The following PAPPA variants were observed in gnomAD, a reference collection of about 807,000 sequenced individuals.
PAPPA encodes pappalysin 1.
In PAPPA, 60 loss-of-function variants were observed where a neutral mutation model predicts 164.0. The observed-to-expected ratio is 0.37, with a 90% CI of 0.30 to 0.45. The LOEUF (loss-of-function observed/expected upper bound fraction) is 0.45, where lower values mean the gene tolerates loss of function less well. Among genes scored for constraint, PAPPA ranks in the 20% least tolerant of loss-of-function variants. The pLI, the probability that PAPPA is intolerant of heterozygous loss-of-function variation, is 1.00. For missense variants in PAPPA, 1,782 were observed against 2,087.3 expected (o/e 0.85, Z 2.85); for synonymous variants, 875 against 814.1 (o/e 1.07, Z -1.27).
chr9:116,214,169 A>G (rs1395588669), intron 4 of PAPPA, among the ~76,000 whole-genome samples: 1 of 152,194 alleles, frequency 6.6e-6, no homozygotes, highest in East Asian at 1.9e-4. Context: ...GAACGATTGA[A>G]ATACAACTAG....
chr9:116,395,111 T>G (rs2118735858), intron 21 of PAPPA, among the ~76,000 whole-genome samples: 1 of 151,904 alleles, frequency 6.6e-6, no homozygotes, highest in South Asian at 2.1e-4. Flanking sequence ...CCTCAGGAGG[T>G]CTACACTTTT....
chr9:116,199,751 A>C (rs1162058566), intron 2 of PAPPA, among the ~76,000 whole-genome samples: 2 of 152,126 alleles, frequency 1.3e-5, no homozygotes, highest in Non-Finnish European at 1.5e-5. Context: ...TATTTGGCTC[A>C]TGGTTCTACA....
rs1845137865 is a variant in PAPPA, at chr9:116,271,537, G to A, written c.2953+121G>A. 1 of 726,932 alleles carries A rather than the reference G, an allele frequency of 1.4e-6. No homozygotes were observed. 45.0% of individuals were successfully genotyped at this position (726,932 alleles called of 1,614,324 possible). On this transcript the variant is annotated intron_variant, in intron 9 of 21. Coordinates refer to ENST00000328252, the MANE Select transcript of PAPPA (RefSeq NM_002581.5). The surrounding 1 kb of genome is among the most constrained non-coding windows in gnomAD (Gnocchi z 4.2). ...TGATTCACTCCTTTGTATTACACCT[G>A]TTTATTGAGTGCCTCCTACATGCCA...
chr9:116,293,951 AAAAT>A (rs551814257), intron 9 of PAPPA, among the ~76,000 whole-genome samples: 3 of 152,138 alleles, frequency 2.0e-5, no homozygotes, highest in African/African-American at 4.8e-5. Flanking sequence ...ACTCTGTCTC[AAAAT>A]AAATAAATAA....
intron 2 of PAPPA, among the ~76,000 whole-genome samples, chr9:116,189,078 T>TGACA (rs1184810704): frequency 1.3e-5 from 2 of 152,160 alleles, no homozygotes; most frequent in Admixed American, 1.3e-4. Context: ...TTGAGAGAGG[T>TGACA]GACATTTGAG....
chr9:116,160,643 T>G (rs745670242), intron 1 of PAPPA, among the ~76,000 whole-genome samples: 6 of 152,214 alleles, frequency 3.9e-5, no homozygotes, highest in Admixed American at 6.5e-5. Context: ...CTTATCTACC[T>G]GTGGCTGAGG....
At chr9:116,358,257 C>G (rs1181252510) in intron 17 of PAPPA, among the ~76,000 whole-genome samples, 1 of 152,188 alleles carries the variant, frequency 6.6e-6, no homozygotes, top group Non-Finnish European at 1.5e-5. Context: ...AGTTCTTAAA[C>G]TACGTCACTT....
At chr9:116,333,905 T>A (rs1457492128) in intron 12 of PAPPA, among the ~76,000 whole-genome samples, 2 of 152,078 alleles carry the variant, frequency 1.3e-5, no homozygotes, top group Non-Finnish European at 2.9e-5. Context: ...CATCCCAGCA[T>A]TCTCCGAGGC....
At chr9:116,257,424 G>A (rs1342439251) in intron 7 of PAPPA, among the ~76,000 whole-genome samples, 1 of 151,972 alleles carries the variant, frequency 6.6e-6, no homozygotes, top group Non-Finnish European at 1.5e-5. Context: ...CAAAAGGCTG[G>A]GCACGGTGGC....
chr9:116,285,171 C>CTTTTTTTTTTTTTTTTTTTTT, intron 9 of PAPPA, among the ~76,000 whole-genome samples: 15 of 89,494 alleles, frequency 1.7e-4, no homozygotes, highest in East Asian at 3.5e-4. Flanking sequence ...TTCTTTCTTT[C>CTTTTTTTTTTTTTTTTTTTTT]TTTTTTTTTT....
chr9:116,380,302 A>C (rs1490638376), intron 20 of PAPPA, among the ~76,000 whole-genome samples: 1 of 152,102 alleles, frequency 6.6e-6, no homozygotes, highest in Non-Finnish European at 1.5e-5. Context: ...GAATGGATGG[A>C]TGGATGGATG....
At chr9:116,236,534 C>T (rs1844670042) in intron 7 of PAPPA, among the ~76,000 whole-genome samples, 1 of 149,274 alleles carries the variant, frequency 6.7e-6, no homozygotes, top group Admixed American at 6.8e-5. Context: ...TGCAGTGAAC[C>T]GAGATCATGC....
At chr9:116,158,346 A>G (rs1396051580) in intron 1 of PAPPA, among the ~76,000 whole-genome samples, 1 of 152,236 alleles carries the variant, frequency 6.6e-6, no homozygotes, top group East Asian at 1.9e-4. Context: ...TCCATATATT[A>G]ACAAGGCTTT....
At chr9:116,352,204 G>T (rs1038845956) in intron 15 of PAPPA, among the ~76,000 whole-genome samples, 2 of 152,160 alleles carry the variant, frequency 1.3e-5, no homozygotes, top group African/African-American at 4.8e-5. Context: ...CCAGGCATTG[G>T]TGGTGGGAGC....
chr9:116,227,391 C>T (rs528256679), intron 5 of PAPPA, 40 bp from the exon 6 acceptor site: 1 of 1,611,884 alleles, frequency 6.2e-7, no homozygotes, highest in Non-Finnish European at 8.5e-7. Flanking sequence ...TTCAACTGTT[C>T]CTAAGTCGGT....
intron 14 of PAPPA, 70 bp downstream of exon 14, chr9:116,344,781 C>T (rs1030225557): frequency 4.3e-6 from 6 of 1,393,238 alleles, no homozygotes; most frequent in African/African-American, 1.4e-5. Flanking sequence ...TAACCATGTT[C>T]TCTGCTAAAT....
At chr9:116,353,560 G>T in intron 16 of PAPPA, 62 bp from the exon 17 acceptor site, 2 of 1,455,372 alleles carry the variant, frequency 1.4e-6, no homozygotes, top group South Asian at 2.5e-5. Flanking sequence ...TGGTGTTCAT[G>T]CAGGGCATGG....
At chr9:116,301,947 T>C (rs753576810) in intron 9 of PAPPA, among the ~76,000 whole-genome samples, 3 of 152,240 alleles carry the variant, frequency 2.0e-5, no homozygotes, top group Non-Finnish European at 4.4e-5. Context: ...AATCAGTTCA[T>C]GTTTTAAAGC....
intron 10 of PAPPA, chr9:116,318,403 A>G (rs544178533): frequency 6.6e-6 from 1 of 152,294 alleles, no homozygotes; most frequent in East Asian, 1.9e-4. Flanking sequence ...TAACACATAA[A>G]TAAGTGCTAA....
Sources: gnomAD v4.1 joint callset for allele counts (sites outside exome capture counted in the v4.1 genomes callset) on GRCh38, gnomAD v4.1.1 for gene constraint, Gnocchi (gnomAD v3.1) non-coding constraint, MANE v1.5 for transcripts, NCBI Gene and HGNC (gene_info 2026-07-23, HGNC 2026-07-21) for gene names.